Variants in CSMD1 observed in about 807,000 individuals in gnomAD.
The protein encoded by CSMD1 is CUB and sushi domain-containing protein 1.
Under a neutral mutation model 417.5 loss-of-function variants are expected in CSMD1, and 213 were observed. The ratio of observed to expected loss-of-function variants is 0.51; its 90% CI spans 0.46 to 0.57. The LOEUF is 0.57. Among genes scored for constraint, CSMD1 ranks in the 20% least tolerant of loss-of-function variants. CSMD1 has a pLI of 0.00. For missense variants in CSMD1, 6,923 were observed against 4,529.7 expected (o/e 1.53, Z -15.17); for synonymous variants, 2,862 against 1,736.8 (o/e 1.65, Z -16.11).
intron 49 of CSMD1, among the ~76,000 whole-genome samples, chr8:3,065,234 A>G (rs994230350): frequency 1.3e-5 from 2 of 152,188 alleles, no homozygotes; most frequent in African/African-American, 4.8e-5. Flanking sequence ...ATGATAGAGT[A>G]GATAGAAAGA....
intron 3 of CSMD1, among the ~76,000 whole-genome samples, chr8:4,310,695 T>C (rs7843009): frequency 0.63 from 95,083 of 151,948 alleles, 30,701 homozygotes; most frequent in East Asian, 0.86. Flanking sequence ...ACAACAACCA[T>C]AGAACCTGCA....
intron 3 of CSMD1, among the ~76,000 whole-genome samples, chr8:4,305,264 A>G (rs1798184714): frequency 6.6e-6 from 1 of 152,208 alleles, no homozygotes; most frequent in African/African-American, 2.4e-5. Context: ...GGCCATTTCC[A>G]ATGCCTGGGA....
At chr8:4,051,851 TTTC>T (rs1585210404) in intron 3 of CSMD1, among the ~76,000 whole-genome samples, 3 of 36,304 alleles carry the variant, frequency 8.3e-5, no homozygotes, top group Middle Eastern at 0.026. Context: ...TTTCTTTTCT[TTTC>T]TCTTTCTTTC....
chr8:3,680,777 C>G (rs987288716), intron 7 of CSMD1, among the ~76,000 whole-genome samples: 3 of 152,056 alleles, frequency 2.0e-5, no homozygotes. Context: ...AACATTGATG[C>G]AAAAATTCTC....
At chr8:3,402,170 G>A (rs150582823) in intron 15 of CSMD1, among the ~76,000 whole-genome samples, 1 of 152,204 alleles carries the variant, frequency 6.6e-6, no homozygotes, top group East Asian at 1.9e-4. Context: ...CTGTGATAGT[G>A]CACAACACTA....
At chr8:3,670,715 A>C (rs1490264046) in intron 7 of CSMD1, among the ~76,000 whole-genome samples, 2 of 145,710 alleles carry the variant, frequency 1.4e-5, no homozygotes, top group Non-Finnish European at 3.0e-5. Flanking sequence ...ATATATATGT[A>C]TATGGGATAT....
chr8:4,964,501 C>CAAAAA lies in CSMD1; in HGVS notation c.85+29830_85+29831insTTTTT, dbSNP rs768264857. ...ATCACAACACAGCAAGACCCTGTCT[C>CAAAAA]CAAAAAAAAAAAAAAAAAAAAAAAG... On this transcript the variant is annotated intron_variant, in intron 1 of 69. Coordinates refer to ENST00000635120, the MANE Select transcript of CSMD1 (RefSeq NM_033225.6). Among the ~76,000 whole-genome samples the CAAAAA allele has an allele frequency of 7.8e-4, 63 of 81,002 alleles. 6 individuals carry two copies. Among genetic ancestry groups the CAAAAA allele is most frequent in the African/African-American group, 9.4e-4 (17 of 18,146 alleles). The allele number at this position is 81,002 out of a possible 152,430, so 53.1% of individuals were successfully genotyped here. A position where few individuals can be genotyped will look rare whatever the true frequency, so the allele number is the denominator to read the frequency against.
intron 10 of CSMD1, among the ~76,000 whole-genome samples, chr8:3,524,104 G>A (rs914621301): frequency 7.1e-6 from 1 of 140,668 alleles, no homozygotes; most frequent in Non-Finnish European, 1.5e-5. Flanking sequence ...CACCCAGAGA[G>A]ACATATGGAC....
At chr8:3,359,067 A>C in intron 21 of CSMD1, 85 bp downstream of exon 21, 1 of 1,345,402 alleles carries the variant, frequency 7.4e-7, no homozygotes, top group Non-Finnish European at 1.1e-6. Context: ...ACAAACCCCC[A>C]CCCGACCCCG....
Position 3,396,255 on chromosome 8 carries a change from C to T in CSMD1, c.2532G>A (p.Met844Ile). The T allele has an allele frequency of 6.3e-7, 1 of 1,583,282 alleles. No individual in the cohort carries two copies. Among genetic ancestry groups the T allele is most frequent in the East Asian group, 2.3e-5 (1 of 43,514 alleles). The change falls in exon 17 of 70, where the codon ATG becomes ATA. Residue 844 changes from methionine to isoleucine, a missense_variant. Transcript: ENST00000635120. The stretch of plus-strand genomic sequence containing the variant: ...TGTTGTCAGTGGTGAACAGCAGGTA[C>T]ATGAAGTTCCCGGTGCTGATGAGGA... ...PQFLISTGNF[M>I]YLLFTTDNSR...
intron 25 of CSMD1, among the ~76,000 whole-genome samples, chr8:3,297,631 C>T (rs1038043461): frequency 3.3e-5 from 5 of 152,028 alleles, no homozygotes; most frequent in African/African-American, 4.8e-5. Context: ...ACTTCAGTCT[C>T]CATACTGTAC....
At chr8:4,414,673 C>T (rs546570410) in intron 3 of CSMD1, among the ~76,000 whole-genome samples, 6 of 152,236 alleles carry the variant, frequency 3.9e-5, no homozygotes, top group African/African-American at 1.2e-4. Context: ...AATACCAATA[C>T]TTACTGGCAG....
rs1298666067 is a variant in CSMD1, at chr8:3,162,162, C to T, written c.5841G>A (p.Leu1947=). The part of the protein sequence containing the change: ...LSFQCEPGYT[L]QGRSHISCMP... ...TGAGCACTGAGAAGAAGGATACCTG[C>T]AGGGTGTACCCGGGCTCGCACTGGA... Residue 1947 remains leucine (L), a synonymous_variant, in exon 38 of 70, where the codon CTG becomes CTA. Coordinates refer to ENST00000635120, the MANE Select transcript of CSMD1 (RefSeq NM_033225.6). The T allele has an allele frequency of 1.3e-6, 2 of 1,593,912 alleles. No individual in the cohort carries two copies. Among genetic ancestry groups the T allele is most frequent in the African/African-American group, 2.7e-5 (2 of 74,684 alleles).
intron 7 of CSMD1, among the ~76,000 whole-genome samples, chr8:3,698,331 C>A (rs1412478171): frequency 6.6e-6 from 1 of 152,180 alleles, no homozygotes; most frequent in Non-Finnish European, 1.5e-5. Flanking sequence ...GCTAAGAAAA[C>A]AGGGTCTTTA....
At chr8:4,595,271 T>C (rs759229742) in intron 2 of CSMD1, among the ~76,000 whole-genome samples, 8 of 148,370 alleles carry the variant, frequency 5.4e-5, no homozygotes, top group African/African-American at 7.9e-5. Flanking sequence ...CAGGAAGGTA[T>C]AATATGATAA....
At chr8:4,311,050 G>A (rs1798532892) in intron 3 of CSMD1, among the ~76,000 whole-genome samples, 1 of 152,178 alleles carries the variant, frequency 6.6e-6, no homozygotes, top group South Asian at 2.1e-4. Context: ...CACCACTGGT[G>A]GGAGTGTAAA....
chr8:3,926,094 C>CACACAAACACCAT (rs1809675899), intron 5 of CSMD1, among the ~76,000 whole-genome samples: 12 of 59,942 alleles, frequency 2.0e-4, no homozygotes, highest in Admixed American at 1.2e-3. Context: ...CACACACACA[C>CACACAAACACCAT]ACACACACAC....
chr8:4,834,875 G>A (rs1269898988), intron 1 of CSMD1, among the ~76,000 whole-genome samples: 1 of 138,932 alleles, frequency 7.2e-6, no homozygotes, highest in African/African-American at 2.6e-5. Flanking sequence ...GAGAAAGGCG[G>A]AAACCCGGGA....
intron 9 of CSMD1, among the ~76,000 whole-genome samples, chr8:3,579,408 T>C (rs1800288809): frequency 6.6e-6 from 1 of 152,262 alleles, no homozygotes; most frequent in Non-Finnish European, 1.5e-5. Flanking sequence ...TAGTAACTAC[T>C]CAATTAATCA....
Sources: gnomAD v4.1 joint callset for allele counts (sites outside exome capture counted in the v4.1 genomes callset) on GRCh38, gnomAD v4.1.1 for gene constraint, MANE v1.5 for transcripts, NCBI Gene and HGNC (gene_info 2026-07-23, HGNC 2026-07-21) for gene names.